Variants in LRCH1 observed in about 807,000 individuals in gnomAD.
LRCH1 encodes leucine-rich repeat and calponin homology domain-containing protein 1.
In LRCH1, 23 loss-of-function variants were observed where a neutral mutation model predicts 94.9. That is an observed-to-expected ratio of 0.24 (90% CI 0.17 to 0.34). The LOEUF (loss-of-function observed/expected upper bound fraction) is 0.34. Ranked by LOEUF, LRCH1 falls within the 10% of genes least tolerant of loss-of-function variation. LRCH1 has a pLI of 1.00. For missense variants in LRCH1, 790 were observed against 945.9 expected, an observed-to-expected ratio of 0.84 and a Z score of 2.16; for synonymous variants, 364 against 354.9, an observed-to-expected ratio of 1.03 and a Z score of -0.29.
At chr13:46,663,552 C>T (rs912433634) in intron 2 of LRCH1, among the ~76,000 whole-genome samples, 2 of 152,106 alleles carry the variant, frequency 1.3e-5, no homozygotes, top group African/African-American at 4.8e-5. Context: ...AGACAACAGT[C>T]AGGTGTCATA....
At chr13:46,752,545 C>T (rs891860279) in exon 19 of LRCH1, 2 of 152,206 alleles carry the variant, frequency 1.3e-5, no homozygotes, top group Non-Finnish European at 2.9e-5. Context: ...TTTTTCTGTA[C>T]TGCACAAATA....
At chr13:46,675,127 C>T (rs1269611240) in intron 3 of LRCH1, among the ~76,000 whole-genome samples, 2 of 152,230 alleles carry the variant, frequency 1.3e-5, no homozygotes, top group Non-Finnish European at 2.9e-5. Context: ...ACCTTGTTAA[C>T]ATATTGGAAA....
rs945438933 is a variant in LRCH1 at position 46,750,481 on chromosome 13, G to A, written c.1981-59G>A. The A allele has an allele frequency of 4.1e-6, 5 of 1,223,476 alleles. No homozygotes were observed. In the African/African-American group the frequency reaches 7.5e-5, roughly 18 times the overall value. The allele number at this position is 1,223,476 out of a possible 1,614,324, so 75.8% of individuals were successfully genotyped here. On this transcript the variant is annotated intron_variant, in intron 18 of 18. Transcript: ENST00000311191. ...TTTGATGTCATCAACGATGTAGCAG[G>A]ATTTTACAATGAGAGTACAATCATC...
At chr13:46,750,608 A>G (rs2138264544) in exon 19 of LRCH1, 3 of 1,551,994 alleles carry the variant, frequency 1.9e-6, no homozygotes, top group East Asian at 2.4e-5. Flanking sequence ...TTACCATTCA[A>G]GCATTACTAG....
chr13:46,742,504 G>T lies in LRCH1; in HGVS notation c.*656G>T, dbSNP rs535682846. ...TGGCCGCCAACTTCCACCCCGGCAAGCCCCTCTGTCCTATGCAGAAGGGCG... is the reference window on the plus strand; with the variant it reads ...TGGCCGCCAACTTCCACCCCGGCAATCCCCTCTGTCCTATGCAGAAGGGCG... On this transcript the variant is annotated 3_prime_UTR_variant, in exon 20 of 20. Coordinates refer to ENST00000389797, the MANE Select transcript of LRCH1 (RefSeq NM_001164211.2). 11 of 985,918 alleles carry T rather than the reference G, an allele frequency of 1.1e-5. No individual in the cohort carries two copies. Among genetic ancestry groups the T allele is most frequent in the Non-Finnish European group, 1.2e-5 (10 of 830,282 alleles). The allele number at this position is 985,918 out of a possible 1,614,324, so 61.1% of individuals were successfully genotyped here.
At chr13:46,665,648 G>C (rs932299713) in intron 2 of LRCH1, among the ~76,000 whole-genome samples, 1 of 152,182 alleles carries the variant, frequency 6.6e-6, no homozygotes, top group African/African-American at 2.4e-5. Context: ...ACTCTGCAGG[G>C]ACAGTGACAA....
intron 17 of LRCH1, among the ~76,000 whole-genome samples, chr13:46,723,739 G>A (rs1355970929): frequency 6.6e-6 from 1 of 152,038 alleles, no homozygotes; most frequent in Non-Finnish European, 1.5e-5. Flanking sequence ...ATGCGAGGCT[G>A]CAGTGATTTA....
At chr13:46,643,320 T>A (rs139197252) in intron 1 of LRCH1, among the ~76,000 whole-genome samples, 265 of 152,374 alleles carry the variant, frequency 1.7e-3, no homozygotes, top group African/African-American at 6.2e-3. Context: ...GGCATGGCTC[T>A]GACCTTTCAA....
At chr13:46,650,393 A>G in intron 2 of LRCH1, 48 bp downstream of exon 2, 1 of 1,485,326 alleles carries the variant, frequency 6.7e-7, no homozygotes, top group South Asian at 1.3e-5. Context: ...AAGAAATAAA[A>G]AACTTATGCT....
chr13:46,651,633 C>A (rs1236454626), intron 2 of LRCH1, among the ~76,000 whole-genome samples: 2 of 150,626 alleles, frequency 1.3e-5, no homozygotes, highest in African/African-American at 2.4e-5. Flanking sequence ...TGCACTCCGG[C>A]CTGGGTAACA....
rs1225424218 is a variant in LRCH1, at chr13:46,707,007, C to G, written c.1527+1703C>G. Among the ~76,000 whole-genome samples, 3 of 152,260 alleles carry G rather than the reference C, an allele frequency of 2.0e-5. No individual in the cohort carries two copies. In the South Asian group the frequency reaches 6.2e-4, roughly 32 times the overall value. On this transcript the variant is annotated intron_variant, in intron 13 of 19. Coordinates refer to ENST00000389797, the MANE Select transcript of LRCH1 (RefSeq NM_001164211.2). ...AATATGGATTTTTATCTTACACAAT[C>G]AATTTCAGTTATCATCTTCATAAAT...
Position 46,692,616 on chromosome 13 carries a change from G to T in LRCH1, c.1095G>T (p.Ser365=), listed in dbSNP as rs150798300. 3 of 1,613,818 alleles carry T rather than the reference G, an allele frequency of 1.9e-6. No individual in the cohort carries two copies. The highest frequency in any genetic ancestry group is 2.7e-5 in the African/African-American group (2 of 74,940). Reference sequence around the variant, plus strand: ...AAGAACAGATCATCAAGGAGGACTCGTGCCATCGCCTTAGCCCCGTTAAAG... The same window carrying T: ...AAGAACAGATCATCAAGGAGGACTCTTGCCATCGCCTTAGCCCCGTTAAAG... ...MEEEQIIKED[S]CHRLSPVKGE... Residue 365 remains serine (S), a synonymous_variant, in exon 8 of 20, where the codon TCG becomes TCT. Transcript: ENST00000389797.
At chr13:46,595,541 T>TC (rs1312937088) in intron 1 of LRCH1, among the ~76,000 whole-genome samples, 2 of 152,152 alleles carry the variant, frequency 1.3e-5, no homozygotes, top group African/African-American at 4.8e-5. Context: ...TGACATCTGT[T>TC]CCCCCCTGAG....
At chr13:46,600,492 C>A (rs1441786076) in intron 1 of LRCH1, among the ~76,000 whole-genome samples, 1 of 152,116 alleles carries the variant, frequency 6.6e-6, no homozygotes, top group Non-Finnish European at 1.5e-5. Flanking sequence ...AATTGCTGTT[C>A]CCTTTGGCTG....
chr13:46,638,472 T>C (rs1399741992), intron 1 of LRCH1, among the ~76,000 whole-genome samples: 14 of 152,220 alleles, frequency 9.2e-5, no homozygotes, highest in African/African-American at 3.4e-4. Flanking sequence ...TTTTGAATTC[T>C]GCATGATTTC....
At chr13:46,572,966 A>G (rs2050257010) in intron 1 of LRCH1, among the ~76,000 whole-genome samples, 1 of 152,206 alleles carries the variant, frequency 6.6e-6, no homozygotes, top group Non-Finnish European at 1.5e-5. Context: ...GGCAAGTTCC[A>G]TAACCTCTCT....
chr13:46,574,821 GGTTT>G (rs1258839990), intron 1 of LRCH1, among the ~76,000 whole-genome samples: 14 of 134,514 alleles, frequency 1.0e-4, no homozygotes, highest in Non-Finnish European at 2.0e-4. Flanking sequence ...TTGTGTGTGG[GGTTT>G]TTTTTTTTTT....
chr13:46,704,966 A>T (rs528714419), intron 11 of LRCH1, 102 bp from the exon 12 acceptor site: 24 of 616,618 alleles, frequency 3.9e-5, no homozygotes, highest in Non-Finnish European at 8.2e-6. Context: ...GATAAACATA[A>T]CTTTTTAGTA....
chr13:46,596,819 C>A (rs2050569701), intron 1 of LRCH1, among the ~76,000 whole-genome samples: 1 of 152,094 alleles, frequency 6.6e-6, no homozygotes, highest in African/African-American at 2.4e-5. Context: ...GATCATTTGC[C>A]CAGCATTTTG....
Sources: allele counts gnomAD v4.1 joint callset (sites outside exome capture counted in the v4.1 genomes callset), GRCh38; gene constraint gnomAD v4.1.1; transcripts MANE v1.5; gene names NCBI Gene and HGNC (gene_info 2026-07-23, HGNC 2026-07-21).